ESRRG: variants seen among roughly 807,000 people sequenced by gnomAD.
ESRRG encodes the protein estrogen-related receptor gamma.
A neutral mutation model predicts 44.0 loss-of-function variants in ESRRG; 13 were observed. The observed-to-expected ratio is 0.30, with a 90% CI of 0.19 to 0.47. ESRRG has a LOEUF of 0.47. Ranked by LOEUF, ESRRG falls within the 20% of genes least tolerant of loss-of-function variation. The pLI, the probability that ESRRG is intolerant of heterozygous loss-of-function variation, is 1.00. For missense variants in ESRRG, 395 were observed against 580.6 expected (o/e 0.68, Z 3.29); for synonymous variants, 215 against 214.6 (o/e 1.00, Z -0.02).
At chr1:216,973,170 G>A (rs985910825) in intron 1 of ESRRG, among the ~76,000 whole-genome samples, 5 of 152,106 alleles carry the variant, frequency 3.3e-5, no homozygotes, top group Admixed American at 1.3e-4. Context: ...AAAAAGGTAA[G>A]TAAGATCATG....
chr1:217,119,005 G>GGATATATA (rs1247398497), intron 1 of ESRRG, among the ~76,000 whole-genome samples: 42 of 137,484 alleles, frequency 3.1e-4, no homozygotes, highest in African/African-American at 1.1e-3. Context: ...GAAACTAGAT[G>GGATATATA]GATAGATAGA....
chr1:217,004,849 C>T (rs2077515692), intron 1 of ESRRG, among the ~76,000 whole-genome samples: 1 of 152,086 alleles, frequency 6.6e-6, no homozygotes, highest in Non-Finnish European at 1.5e-5. Context: ...AATGGTATAT[C>T]ACTTTGAAAT....
intron 2 of ESRRG, among the ~76,000 whole-genome samples, chr1:216,908,537 G>A (rs1235353839): frequency 6.6e-6 from 1 of 152,096 alleles, no homozygotes; most frequent in African/African-American, 2.4e-5. Context: ...TATAGGTATT[G>A]TCACACACAC....
Position 216,716,632 on chromosome 1 carries a change from T to A in ESRRG, c.56+6612A>T, listed in dbSNP as rs182226022. On this transcript the variant is annotated intron_variant, in intron 1 of 6. Coordinates refer to ENST00000408911, the MANE Select transcript of ESRRG (RefSeq NM_001438.4). Reference sequence around the variant, plus strand: ...GTTTCACTCAAAGAAAAATGAGAAGTCACAGAGGAATATATATGACAAAGA... The same window carrying A: ...GTTTCACTCAAAGAAAAATGAGAAGACACAGAGGAATATATATGACAAAGA... 4.5e-3 allele frequency among the ~76,000 whole-genome samples: 686 copies of A among 152,026 alleles called. 2 individuals are homozygous for A. Among genetic ancestry groups the A allele is most frequent in the Non-Finnish European group, 7.8e-3 (531 of 67,828 alleles).
chr1:217,067,387 T>A (rs1427754584), intron 1 of ESRRG, among the ~76,000 whole-genome samples: 1 of 139,082 alleles, frequency 7.2e-6, no homozygotes, highest in African/African-American at 2.6e-5. Context: ...ATTTTGCTTA[T>A]AAGCATGTAT....
intron 2 of ESRRG, among the ~76,000 whole-genome samples, chr1:216,798,154 T>C (rs962146763): frequency 1.4e-4 from 22 of 152,220 alleles, no homozygotes; most frequent in African/African-American, 5.3e-4. Flanking sequence ...TTTTCTTTTC[T>C]TTTTCTCTTT....
chr1:216,570,091 T>C (rs769526909), intron 3 of ESRRG, among the ~76,000 whole-genome samples: 11 of 152,356 alleles, frequency 7.2e-5, no homozygotes, highest in South Asian at 4.1e-4. Context: ...TTTCATATTA[T>C]CTTAACAATA....
chr1:216,887,686 T>G (rs1333978337), intron 2 of ESRRG, among the ~76,000 whole-genome samples: 1 of 152,188 alleles, frequency 6.6e-6, no homozygotes, highest in Non-Finnish European at 1.5e-5. Context: ...ATGCTGAAAC[T>G]CCTACCCACT....
At chr1:217,017,699 C>T (rs958595295) in intron 1 of ESRRG, among the ~76,000 whole-genome samples, 11 of 151,914 alleles carry the variant, frequency 7.2e-5, no homozygotes, top group Admixed American at 3.3e-4. Context: ...ATAATATCTA[C>T]GCCATAGGAT....
intron 1 of ESRRG, among the ~76,000 whole-genome samples, chr1:216,948,516 C>T (rs1465535533): frequency 6.7e-6 from 1 of 150,238 alleles, no homozygotes; most frequent in African/African-American, 2.4e-5. Context: ...AACAGGGGAC[C>T]TAATATTAGC....
intron 1 of ESRRG, among the ~76,000 whole-genome samples, chr1:216,972,571 A>G (rs1431321145): frequency 1.3e-5 from 2 of 152,182 alleles, no homozygotes; most frequent in Non-Finnish European, 2.9e-5. Context: ...CTGCTCATCA[A>G]CGGACTGTCT....
chr1:217,126,033 ACT>A (rs1312393566), intron 1 of ESRRG, among the ~76,000 whole-genome samples: 1 of 152,090 alleles, frequency 6.6e-6, no homozygotes, highest in African/African-American at 2.4e-5. Context: ...GATGGAATGC[ACT>A]CTCAGAAAAG....
intron 5 of ESRRG, among the ~76,000 whole-genome samples, chr1:216,521,524 G>T (rs115706719): frequency 2.0e-5 from 3 of 152,058 alleles, no homozygotes; most frequent in East Asian, 1.9e-4. Context: ...TAGTTTTCTT[G>T]TTCCTTTTCA....
chr1:216,704,961 A>G (rs530700181), intron 1 of ESRRG, among the ~76,000 whole-genome samples: 4 of 152,184 alleles, frequency 2.6e-5, no homozygotes, highest in Non-Finnish European at 5.9e-5. Context: ...CTAGTCCACA[A>G]TGACACTACA....
chr1:216,839,100 A>G lies in ESRRG; in HGVS notation c.-14+100482T>C, dbSNP rs142390857. On this transcript the variant is annotated intron_variant, in intron 2 of 7. Coordinates refer to the ESRRG transcript ENST00000359162. Reference sequence around the variant, plus strand: ...AAAACTTCTTTCAAAATTGTAGTCAATCCTCTCAAATCCTGACACTACTTT... The same window carrying G: ...AAAACTTCTTTCAAAATTGTAGTCAGTCCTCTCAAATCCTGACACTACTTT... 8.8e-3 allele frequency among the ~76,000 whole-genome samples: 1,333 copies of G among 152,334 alleles called. 15 individuals are homozygous for G. The highest frequency in any genetic ancestry group is 0.044 in the East Asian group (229 of 5,186).
chr1:216,734,419 G>C (rs186623332), intron 2 of ESRRG, among the ~76,000 whole-genome samples: 2 of 152,090 alleles, frequency 1.3e-5, no homozygotes, highest in Non-Finnish European at 2.9e-5. Flanking sequence ...TGCTGTCCTC[G>C]CAGTGATGAG....
At chr1:217,127,432 G>T (rs2092907339) in intron 1 of ESRRG, among the ~76,000 whole-genome samples, 2 of 152,192 alleles carry the variant, frequency 1.3e-5, no homozygotes, top group African/African-American at 4.8e-5. Flanking sequence ...GCTGATGGTT[G>T]CCATAAGAGA....
intron 1 of ESRRG, among the ~76,000 whole-genome samples, chr1:216,703,647 A>C (rs1559316798): frequency 7.4e-6 from 1 of 134,662 alleles, no homozygotes; most frequent in Non-Finnish European, 1.6e-5. Flanking sequence ...GCATGTTTTC[A>C]AAGCTGGATA....
intron 2 of ESRRG, among the ~76,000 whole-genome samples, chr1:216,906,886 T>C (rs941551572): frequency 2.6e-5 from 4 of 152,198 alleles, no homozygotes; most frequent in Non-Finnish European, 4.4e-5. Flanking sequence ...AGAAATGAGA[T>C]AAAGTGCTAA....
Sources: gnomAD v4.1 joint callset for allele counts (sites outside exome capture counted in the v4.1 genomes callset) on GRCh38, gnomAD v4.1.1 for gene constraint, MANE v1.5 for transcripts, NCBI Gene and HGNC (gene_info 2026-07-23, HGNC 2026-07-21) for gene names.